FBXL7: variants seen among roughly 807,000 people sequenced by gnomAD.
FBXL7 encodes F-box and leucine rich repeat protein 7, also known as F-box/LRR-repeat protein 7.
FBXL7 carries 12 observed loss-of-function variants against 38.3 expected under a neutral mutation model. The ratio of observed to expected loss-of-function variants is 0.31; its 90% CI spans 0.20 to 0.51. The LOEUF is 0.51. Among genes scored for constraint, FBXL7 ranks in the 20% least tolerant of loss-of-function variants. The probability of loss-of-function intolerance (pLI) is 0.98; values close to 1 mark genes in which losing one functional copy is unlikely to be tolerated. For synonymous variants in FBXL7, 297 were observed against 300.9 expected, an observed-to-expected ratio of 0.99 and a Z score of 0.13; for missense variants, 567 against 676.4, an observed-to-expected ratio of 0.84 and a Z score of 1.79.
intron 2 of FBXL7, among the ~76,000 whole-genome samples, chr5:15,731,821 T>G (rs1038681307): frequency 2.3e-4 from 35 of 152,288 alleles, no homozygotes; most frequent in Admixed American, 8.5e-4. Context: ...GAGGCTGTGT[T>G]CGGGGCTCTG....
intron 1 of FBXL7, among the ~76,000 whole-genome samples, chr5:15,531,733 C>T (rs1017542814): frequency 2.0e-5 from 3 of 152,206 alleles, no homozygotes; most frequent in African/African-American, 7.2e-5. Context: ...ATTACACATT[C>T]AGCTTAGTCA....
At chr5:15,558,779 G>T (rs911808171) in intron 1 of FBXL7, among the ~76,000 whole-genome samples, 1 of 152,202 alleles carries the variant, frequency 6.6e-6, no homozygotes, top group African/African-American at 2.4e-5. Context: ...GAGGTTGCTT[G>T]TCTATTCTAT....
chr5:15,870,161 A>G (rs1005001213), intron 2 of FBXL7, among the ~76,000 whole-genome samples: 9 of 151,908 alleles, frequency 5.9e-5, no homozygotes, highest in Non-Finnish European at 1.3e-4. Flanking sequence ...GTGAGGGGGG[A>G]AAAGAAGGGA....
intron 2 of FBXL7, among the ~76,000 whole-genome samples, chr5:15,747,650 G>GA (rs1432385293): frequency 6.6e-6 from 1 of 152,120 alleles, no homozygotes; most frequent in Non-Finnish European, 1.5e-5. Context: ...TCGGACAAAG[G>GA]AAAAAATATC....
intron 2 of FBXL7, among the ~76,000 whole-genome samples, chr5:15,640,724 C>A (rs953700897): frequency 6.6e-6 from 1 of 152,076 alleles, no homozygotes; most frequent in African/African-American, 2.4e-5. Context: ...GGATTTCACC[C>A]TTTTGGCCAG....
rs759072266 is a variant in FBXL7 at position 15,616,053 on chromosome 5, G to T, written c.108G>T (p.Lys36Asn). The change falls in exon 2 of 4, where the codon AAG becomes AAT. Residue 36 changes from lysine to asparagine, a missense_variant. Coordinates refer to ENST00000504595, the MANE Select transcript of FBXL7 (RefSeq NM_012304.5). ...STDHTPTKAQ[K>N]NVATSEDSDL... Reference sequence around the variant, plus strand: ...ATCACACGCCCACTAAAGCCCAGAAGAATGTGGCTACCAGCGAAGGTAGGC... The same window carrying T: ...ATCACACGCCCACTAAAGCCCAGAATAATGTGGCTACCAGCGAAGGTAGGC... 23 of 1,612,978 alleles carry T rather than the reference G, an allele frequency of 1.4e-5. 1 individual carries two copies. The highest frequency in any genetic ancestry group is 1.2e-4 in the South Asian group (11 of 91,026).
At chr5:15,802,230 C>G (rs987567228) in intron 2 of FBXL7, among the ~76,000 whole-genome samples, 5 of 152,106 alleles carry the variant, frequency 3.3e-5, no homozygotes, top group African/African-American at 1.2e-4. Context: ...CTATTTCTCC[C>G]CTAAACAATC....
At chr5:15,849,816 T>TGTGAA (rs1353245124) in intron 2 of FBXL7, among the ~76,000 whole-genome samples, 1 of 152,236 alleles carries the variant, frequency 6.6e-6, no homozygotes, top group Non-Finnish European at 1.5e-5. Flanking sequence ...CCTGTAAAAA[T>TGTGAA]GTGAAGTTCA....
intron 1 of FBXL7, among the ~76,000 whole-genome samples, chr5:15,544,117 C>A (rs1014100900): frequency 6.6e-6 from 1 of 152,226 alleles, no homozygotes; most frequent in South Asian, 2.1e-4. Context: ...CTACTCTGGA[C>A]ACATTGCCGA....
At chr5:15,854,061 G>A (rs2126798135) in intron 2 of FBXL7, among the ~76,000 whole-genome samples, 1 of 152,248 alleles carries the variant, frequency 6.6e-6, no homozygotes, top group Non-Finnish European at 1.5e-5. Context: ...TGGACCACTT[G>A]GGAGTTTCCT....
intron 2 of FBXL7, among the ~76,000 whole-genome samples, chr5:15,688,126 C>CT (rs559475993): frequency 3.3e-5 from 5 of 152,210 alleles, no homozygotes; most frequent in African/African-American, 9.6e-5. Flanking sequence ...TTCTATTTCT[C>CT]TTTTTTTACA....
At chr5:15,878,664 T>G (rs1459925458) in intron 2 of FBXL7, among the ~76,000 whole-genome samples, 1 of 152,184 alleles carries the variant, frequency 6.6e-6, no homozygotes, top group Non-Finnish European at 1.5e-5. Flanking sequence ...CACACTGCCT[T>G]TCATCCATAC....
At chr5:15,827,798 G>A (rs1738355929) in intron 2 of FBXL7, among the ~76,000 whole-genome samples, 1 of 152,224 alleles carries the variant, frequency 6.6e-6, no homozygotes, top group African/African-American at 2.4e-5. Flanking sequence ...TAAGAGGCAT[G>A]CGTTGCAGCC....
intron 1 of FBXL7, among the ~76,000 whole-genome samples, chr5:15,557,560 G>C (rs938069161): frequency 3.9e-5 from 6 of 152,300 alleles, no homozygotes; most frequent in South Asian, 2.1e-4. Flanking sequence ...TCATAAAAAA[G>C]AGCCTTATTT....
intron 2 of FBXL7, among the ~76,000 whole-genome samples, chr5:15,804,607 C>G (rs2126745350): frequency 6.6e-6 from 1 of 152,298 alleles, no homozygotes; most frequent in East Asian, 1.9e-4. Flanking sequence ...GGCCGCAGAC[C>G]AGTACCCATC....
intron 2 of FBXL7, among the ~76,000 whole-genome samples, chr5:15,886,268 AATGCATGTGTGTGTGTCTGTGTGT>A (rs1445305971): frequency 7.2e-5 from 11 of 151,746 alleles, no homozygotes; most frequent in Admixed American, 7.2e-4. Flanking sequence ...TGTGTGCATG[AATGCATGTGTGTGTGTCTGTGTGT>A]ATGCATGTGT....
At position 15,699,573 on chromosome 5, in the gene FBXL7, C is replaced by A. The variant is rs188720301; in HGVS notation, c.127+83501C>A. 2.6e-3 allele frequency among the ~76,000 whole-genome samples: 390 copies of A among 152,310 alleles called. 4 individuals are homozygous for A. The highest frequency in any genetic ancestry group is 8.9e-3 in the African/African-American group (370 of 41,568). On this transcript the variant is annotated intron_variant, in intron 2 of 3. Coordinates refer to ENST00000504595, the MANE Select transcript of FBXL7 (RefSeq NM_012304.5). The stretch of plus-strand genomic sequence containing the variant: ...CAACCGTATTTCAAATGGGAGGTCA[C>A]CTTCTGAGGTTCTTTTTGAAAGACA...
intron 2 of FBXL7, among the ~76,000 whole-genome samples, chr5:15,676,132 G>A (rs577214715): frequency 6.6e-6 from 1 of 152,128 alleles, no homozygotes; most frequent in Non-Finnish European, 1.5e-5. Context: ...TTTATTAGGT[G>A]TTAACTGCCT....
chr5:15,930,088 C>T (rs1041193812), intron 3 of FBXL7, among the ~76,000 whole-genome samples: 1 of 152,186 alleles, frequency 6.6e-6, no homozygotes, highest in Non-Finnish European at 1.5e-5. Flanking sequence ...GAGAGCAGCT[C>T]GCTGCTCCTC....
Sources: allele counts gnomAD v4.1 joint callset (sites outside exome capture counted in the v4.1 genomes callset), GRCh38; gene constraint gnomAD v4.1.1; transcripts MANE v1.5; gene names NCBI Gene and HGNC (gene_info 2026-07-23, HGNC 2026-07-21).